FER1L6: variants seen among roughly 807,000 people sequenced by gnomAD.
The protein encoded by FER1L6 is fer-1-like protein 6.
Under a neutral mutation model 219.2 loss-of-function variants are expected in FER1L6, and 177 were observed. The ratio of observed to expected loss-of-function variants is 0.81; its 90% confidence interval spans 0.71 to 0.91. The LOEUF (loss-of-function observed/expected upper bound fraction) is 0.91, where lower values mean the gene tolerates loss of function less well. Ranked by LOEUF, FER1L6 falls within the 40% of genes least tolerant of loss-of-function variation. The pLI, the probability that FER1L6 is intolerant of heterozygous loss-of-function variation, is 0.00. For missense variants in FER1L6, 2,153 were observed against 2,259.9 expected, an observed-to-expected ratio of 0.95 and a Z score of 0.96; for synonymous variants, 768 against 824.3, an observed-to-expected ratio of 0.93 and a Z score of 1.17.
chr8:123,974,147 A>G (rs911648109), intron 7 of FER1L6, among the ~76,000 whole-genome samples: 28 of 152,210 alleles, frequency 1.8e-4, no homozygotes, highest in Non-Finnish European at 5.9e-5. Flanking sequence ...CTTTTTATGA[A>G]AGGCCCCCTA....
chr8:124,077,881 TC>T (rs1821361608), intron 32 of FER1L6, among the ~76,000 whole-genome samples: 1 of 152,192 alleles, frequency 6.6e-6, no homozygotes, highest in African/African-American at 2.4e-5. Context: ...AGAAGAGGGT[TC>T]TTGTGCTTGA....
intron 1 of FER1L6, among the ~76,000 whole-genome samples, chr8:123,899,548 G>A (rs189596991): frequency 1.8e-3 from 275 of 152,062 alleles, no homozygotes; most frequent in African/African-American, 6.3e-3. Flanking sequence ...TGTTTTTATC[G>A]CATTTGCTTT....
At chr8:123,904,088 T>C (rs1167024118) in intron 1 of FER1L6, among the ~76,000 whole-genome samples, 1 of 152,170 alleles carries the variant, frequency 6.6e-6, no homozygotes, top group African/African-American at 2.4e-5. Flanking sequence ...TGTGTAGAAT[T>C]GTTGCCCTGA....
At position 123,914,451 on chromosome 8, in the gene FER1L6, C is replaced by T. The variant is rs569915131; in HGVS notation, c.-7-41541C>T. 5.3e-5 allele frequency among the ~76,000 whole-genome samples: 8 copies of T among 152,272 alleles called. No homozygotes were observed. In the South Asian group the frequency reaches 6.2e-4, roughly 12 times the overall value. ...CCACTCTTTGTGGGACAGTTTGCTT[C>T]GCACTTTTGATTGCACTTAGTAACA... On this transcript the variant is annotated intron_variant, in intron 1 of 40. Transcript: ENST00000522917.
At chr8:124,002,934 G>A (rs186537763) in intron 12 of FER1L6, among the ~76,000 whole-genome samples, 17 of 151,932 alleles carry the variant, frequency 1.1e-4, no homozygotes, top group Admixed American at 5.9e-4. Context: ...TTAGTTGATG[G>A]TATTTTCTAA....
At chr8:123,930,430 G>A (rs1813725966) in intron 1 of FER1L6, among the ~76,000 whole-genome samples, 1 of 152,098 alleles carries the variant, frequency 6.6e-6, no homozygotes. Flanking sequence ...AATTAACAGT[G>A]CCATAACATA....
intron 30 of FER1L6, among the ~76,000 whole-genome samples, chr8:124,071,294 T>C (rs1048186291): frequency 2.0e-5 from 3 of 152,192 alleles, no homozygotes; most frequent in African/African-American, 7.2e-5. Flanking sequence ...GGGTTGTTAA[T>C]GTACAATGCC....
chr8:123,953,793 A>G (rs1158159528), intron 1 of FER1L6, among the ~76,000 whole-genome samples: 2 of 152,166 alleles, frequency 1.3e-5, no homozygotes, highest in Non-Finnish European at 2.9e-5. Flanking sequence ...GCCTCTTTGA[A>G]CTGCTCATGG....
intron 14 of FER1L6, among the ~76,000 whole-genome samples, chr8:124,011,552 T>G (rs899674470): frequency 6.6e-6 from 1 of 152,100 alleles, no homozygotes; most frequent in Non-Finnish European, 1.5e-5. Flanking sequence ...AGTCTCACTG[T>G]GTTGCCCAGG....
At chr8:124,082,200 ATAGCGGGC>A (rs1821584013) in intron 32 of FER1L6, 80 bp from the exon 33 acceptor site, 1 of 1,019,662 alleles carries the variant, frequency 9.8e-7, no homozygotes, top group Non-Finnish European at 1.5e-6. Flanking sequence ...GTTCACATGA[ATAGCGGGC>A]TAGCTAAAAG....
intron 1 of FER1L6, among the ~76,000 whole-genome samples, chr8:123,932,349 T>C (rs1254938723): frequency 6.6e-6 from 1 of 152,174 alleles, no homozygotes; most frequent in Non-Finnish European, 1.5e-5. Flanking sequence ...CCTCAGGTGA[T>C]CCACCTGACT....
At chr8:124,107,189 C>A (rs1051017669) in intron 39 of FER1L6, among the ~76,000 whole-genome samples, 26 of 152,020 alleles carry the variant, frequency 1.7e-4, no homozygotes, top group African/African-American at 6.3e-4. Context: ...ACCTTGTGAT[C>A]CGCCCGCCTC....
intron 1 of FER1L6, among the ~76,000 whole-genome samples, chr8:123,936,475 T>TTTTG (rs1554617912): frequency 1.4e-5 from 2 of 141,168 alleles, no homozygotes; most frequent in African/African-American, 2.7e-5. Flanking sequence ...TTTTTTTTTT[T>TTTTG]TTTTTTTTTT....
rs755757902 is a variant in FER1L6 at position 124,064,510 on chromosome 8, C to T, written c.3492C>T (p.Ser1164=). The change falls in exon 26 of 41, where the codon TCC becomes TCT. Residue 1164 remains serine (S), a synonymous_variant. Transcript: ENST00000522917. ...PAILVDVPDS[S]PMLEPEHTPV... is the part of the protein sequence containing the mutation. ...TCCTGGTTGACGTCCCTGACTCATC[C>T]CCGATGCTGGAGCCTGAACACACAC... The T allele has an allele frequency of 2.5e-6, 4 of 1,613,836 alleles. No homozygotes were observed. The highest frequency in any genetic ancestry group is 2.7e-5 in the African/African-American group (2 of 74,906).
At chr8:124,040,083 C>G in intron 20 of FER1L6, 77 bp downstream of exon 20, 2 of 1,580,290 alleles carry the variant, frequency 1.3e-6, no homozygotes, top group South Asian at 2.2e-5. Context: ...AGGAAAGAAA[C>G]AACGGGGGCA....
intron 12 of FER1L6, among the ~76,000 whole-genome samples, chr8:123,992,705 A>C (rs1322947900): frequency 6.6e-6 from 1 of 151,934 alleles, no homozygotes; most frequent in African/African-American, 2.4e-5. Flanking sequence ...AATTTCATTT[A>C]GTTTTGCTTT....
chr8:123,973,398 T>C, intron 6 of FER1L6, 36 bp from the exon 7 acceptor site: 1 of 1,545,296 alleles, frequency 6.5e-7, no homozygotes, highest in South Asian at 1.1e-5. Context: ...ATCCTCAAGG[T>C]AAATCTGCCA....
At chr8:123,890,213 C>G (rs1405340834) in intron 1 of FER1L6, among the ~76,000 whole-genome samples, 2 of 151,970 alleles carry the variant, frequency 1.3e-5, no homozygotes, top group Admixed American at 6.6e-5. Context: ...GGTCATGTGC[C>G]TACAGCAAAT....
intron 20 of FER1L6, chr8:124,040,697 C>A (rs753356087): frequency 6.5e-6 from 1 of 152,918 alleles, no homozygotes; most frequent in Non-Finnish European, 1.5e-5. Flanking sequence ...TGGGACCCTG[C>A]AGGTTCCGAG....
Sources: gnomAD v4.1 joint callset for allele counts (sites outside exome capture counted in the v4.1 genomes callset) on GRCh38, gnomAD v4.1.1 for gene constraint, MANE v1.5 for transcripts, NCBI Gene and HGNC (gene_info 2026-07-23, HGNC 2026-07-21) for gene names.